The following VPS8 variants were observed in gnomAD, a reference collection of about 807,000 sequenced individuals.
The protein encoded by VPS8 is vacuolar protein sorting-associated protein 8 homolog.
VPS8 carries 129 observed loss-of-function variants against 216.4 expected under a neutral mutation model. The observed-to-expected ratio is 0.60, with a 90% CI of 0.52 to 0.69. The LOEUF is 0.69. Ranked by LOEUF, VPS8 falls within the 30% of genes least tolerant of loss-of-function variation. VPS8 has a pLI of 0.00. For missense variants in VPS8, 1,531 were observed against 1,683.5 expected (o/e 0.91, Z 1.59); for synonymous variants, 571 against 565.4 (o/e 1.01, Z -0.14).
intron 25 of VPS8, among the ~76,000 whole-genome samples, chr3:184,913,243 G>T (rs1443911910): frequency 1.3e-5 from 2 of 152,126 alleles, no homozygotes; most frequent in East Asian, 3.9e-4. Context: ...ACCTTCCCTT[G>T]GCCCCAAGTT....
intron 46 of VPS8, among the ~76,000 whole-genome samples, chr3:185,027,235 CTT>C (rs893256183): frequency 2.3e-5 from 2 of 87,724 alleles, no homozygotes; most frequent in Admixed American, 1.4e-4. Context: ...TTTTTATGTT[CTT>C]TTTTTTTTTT....
intron 45 of VPS8, among the ~76,000 whole-genome samples, chr3:185,003,156 A>ATTTT (rs57940868): frequency 5.4e-5 from 7 of 128,494 alleles, no homozygotes; most frequent in African/African-American, 2.1e-4. Context: ...ATTTTTTCTC[A>ATTTT]TTTTTTTTTT....
At chr3:185,013,452 C>T (rs550498571) in intron 45 of VPS8, among the ~76,000 whole-genome samples, 1 of 152,298 alleles carries the variant, frequency 6.6e-6, no homozygotes, top group South Asian at 2.1e-4. Context: ...TGTTTTTATC[C>T]ATTTTAATGG....
chr3:184,879,514 A>G (rs910546016), intron 21 of VPS8, among the ~76,000 whole-genome samples: 6 of 152,190 alleles, frequency 3.9e-5, no homozygotes, highest in African/African-American at 1.4e-4. Context: ...GTAGAGAGGC[A>G]TATGTAGACC....
intron 39 of VPS8, among the ~76,000 whole-genome samples, chr3:184,970,535 CAGG>C (rs1748236677): frequency 6.6e-6 from 1 of 152,096 alleles, no homozygotes; most frequent in Non-Finnish European, 1.5e-5. Flanking sequence ...TTGATAGAAG[CAGG>C]AGAAGAACCT....
chr3:185,023,737 T>G lies in VPS8; in HGVS notation c.4003-599T>G, dbSNP rs368734809. On this transcript the variant is annotated intron_variant, in intron 45 of 47. Transcript: ENST00000625842. ...CGCCATCCTTTTCCTTTTAACCTAT[T>G]TGAGCCTTCATATTTAGATGGTGTT... Among the ~76,000 whole-genome samples the G allele has an allele frequency of 3.8e-3, 578 of 152,346 alleles. 3 individuals carry two copies. Among genetic ancestry groups the G allele is most frequent in the African/African-American group, 0.013 (555 of 41,582 alleles).
intron 46 of VPS8, among the ~76,000 whole-genome samples, chr3:185,029,736 G>A (rs1757858212): frequency 6.6e-6 from 1 of 151,930 alleles, no homozygotes; most frequent in African/African-American, 2.4e-5. Flanking sequence ...TAATTTTTTT[G>A]TATTTTTAGG....
chr3:184,832,943 A>G (rs889462754), intron 4 of VPS8, 124 bp downstream of exon 4: 1 of 1,221,036 alleles, frequency 8.2e-7, no homozygotes, highest in African/African-American at 1.6e-5. Flanking sequence ...TAGAAGGGAT[A>G]TAATATCTTG....
In VPS8 at chr3:185,024,364, C is replaced by T; in HGVS notation, c.4031C>T (p.Ser1344Phe). The T allele has an allele frequency of 6.3e-7, 1 of 1,598,862 alleles. No homozygotes were observed. Among genetic ancestry groups the T allele is most frequent in the Non-Finnish European group, 8.5e-7 (1 of 1,171,956 alleles). Residue 1344 changes from serine (S) to phenylalanine (F), a missense_variant, in exon 46 of 48, where the codon TCC (serine) becomes TTC (phenylalanine). Coordinates refer to ENST00000625842, the MANE Select transcript of VPS8 (RefSeq NM_001009921.3). ...QVKMSPSYHQ[S>F]KGDPTAKKGT... Reference sequence around the variant, plus strand: ...AAAATGTCTCCATCGTATCATCAGTCCAAAGGGGATCCCACTGCTAAAAAG... The same window carrying T: ...AAAATGTCTCCATCGTATCATCAGTTCAAAGGGGATCCCACTGCTAAAAAG...
chr3:185,010,516 T>C (rs1310844526), intron 45 of VPS8, among the ~76,000 whole-genome samples: 3 of 152,150 alleles, frequency 2.0e-5, no homozygotes, highest in South Asian at 2.1e-4. Context: ...AGAAGAACAA[T>C]TGAATACGTC....
intron 28 of VPS8, among the ~76,000 whole-genome samples, chr3:184,915,695 G>T (rs9832924): frequency 0.088 from 13,371 of 152,214 alleles, 632 homozygotes; most frequent in African/African-American, 0.094. Context: ...TGTAATCCCA[G>T]CTACTTGGGA....
chr3:185,041,728 A>G (rs936359656), intron 46 of VPS8, among the ~76,000 whole-genome samples: 5 of 152,372 alleles, frequency 3.3e-5, no homozygotes, highest in South Asian at 4.2e-4. Flanking sequence ...TGTAAAGGTC[A>G]TGGAATTTGA....
chr3:185,042,640 G>C (rs958759462), intron 46 of VPS8, among the ~76,000 whole-genome samples: 1 of 152,140 alleles, frequency 6.6e-6, no homozygotes, highest in African/African-American at 2.4e-5. Context: ...TTGGGAATTT[G>C]AGCTTCCCCT....
At chr3:184,879,202 T>A (rs1729834388) in intron 21 of VPS8, among the ~76,000 whole-genome samples, 1 of 152,166 alleles carries the variant, frequency 6.6e-6, no homozygotes, top group Non-Finnish European at 1.5e-5. Flanking sequence ...AGGCTCAAAT[T>A]TAGGTTATCT....
Position 184,834,475 on chromosome 3 carries a change from T to C in VPS8, c.354-174T>C, listed in dbSNP as rs138745689. On this transcript the variant is annotated intron_variant, in intron 4 of 47. Coordinates refer to ENST00000625842, the MANE Select transcript of VPS8 (RefSeq NM_001009921.3). ...GTAACAAACCTGCACATTGTGCACATGTACCCTAAAACTTAAAGTATAATA... is the reference window on the plus strand; with the variant it reads ...GTAACAAACCTGCACATTGTGCACACGTACCCTAAAACTTAAAGTATAATA... Among the ~76,000 whole-genome samples the C allele has an allele frequency of 1.4e-4, 21 of 152,172 alleles. No homozygotes were observed. In the East Asian group the frequency reaches 3.9e-3, roughly 28 times the overall value.
intron 42 of VPS8, among the ~76,000 whole-genome samples, chr3:184,984,660 A>G (rs895681732): frequency 1.3e-5 from 2 of 152,200 alleles, no homozygotes; most frequent in African/African-American, 4.8e-5. Flanking sequence ...TAATTCTTTG[A>G]TATAGACTGC....
chr3:184,848,736 T>G (rs907431261), intron 8 of VPS8, among the ~76,000 whole-genome samples: 9 of 152,014 alleles, frequency 5.9e-5, no homozygotes, highest in Non-Finnish European at 8.8e-5. Context: ...GCCCAGCTAA[T>G]TTTTGTATTT....
At chr3:184,976,745 T>G (rs1749330834) in intron 40 of VPS8, among the ~76,000 whole-genome samples, 2 of 152,210 alleles carry the variant, frequency 1.3e-5, no homozygotes, top group South Asian at 4.1e-4. Flanking sequence ...GTTAGTTTGC[T>G]TAGGATAATG....
intron 1 of VPS8, among the ~76,000 whole-genome samples, chr3:184,819,073 G>A (rs1716975245): frequency 6.6e-6 from 1 of 152,154 alleles, no homozygotes; most frequent in South Asian, 2.1e-4. Context: ...TATTCAGTTA[G>A]CCAGTGTCAT....
Sources: allele counts gnomAD v4.1 joint callset (sites outside exome capture counted in the v4.1 genomes callset), GRCh38; gene constraint gnomAD v4.1.1; transcripts MANE v1.5; gene names NCBI Gene and HGNC (gene_info 2026-07-23, HGNC 2026-07-21).